Variants in GAB2 observed in about 807,000 individuals in gnomAD.
The protein encoded by GAB2 is GRB2 associated binding protein 2, also known as GRB2-associated-binding protein 2.
GAB2 carries 26 observed loss-of-function variants against 65.5 expected under a neutral mutation model. The ratio of observed to expected loss-of-function variants is 0.40; its 90% confidence interval spans 0.29 to 0.55. GAB2 has a LOEUF of 0.55. GAB2 is among the 20% of genes least tolerant of loss of function. The pLI, the probability that GAB2 is intolerant of heterozygous loss-of-function variation, is 0.53. For synonymous variants in GAB2, 321 were observed against 329.6 expected (o/e 0.97, Z 0.28); for missense variants, 884 against 875.8 (o/e 1.01, Z -0.12).
chr11:78,359,335 G>A (rs1405538522), intron 1 of GAB2, among the ~76,000 whole-genome samples: 2 of 152,126 alleles, frequency 1.3e-5, no homozygotes, highest in Non-Finnish European at 2.9e-5. Context: ...CATTAAAAGA[G>A]AAACAAGAGA....
chr11:78,388,464 C>CT (rs1220227863), intron 1 of GAB2, among the ~76,000 whole-genome samples: 1 of 152,018 alleles, frequency 6.6e-6, no homozygotes, highest in African/African-American at 2.4e-5. Flanking sequence ...GTAGCTGGGA[C>CT]TACAGGGATG....
chr11:78,323,721 G>A (rs11820908), intron 1 of GAB2, among the ~76,000 whole-genome samples: 1 of 149,810 alleles, frequency 6.7e-6, no homozygotes, highest in South Asian at 2.1e-4. Flanking sequence ...AGGATCAATA[G>A]AAGCCCACAC....
chr11:78,417,740 C>A lies in GAB2; in HGVS notation c.-20G>T. 3 of 1,240,732 alleles carry A rather than the reference C, an allele frequency of 2.4e-6. No homozygotes were observed. Among genetic ancestry groups the A allele is most frequent in the Non-Finnish European group, 3.1e-6 (3 of 968,304 alleles). 76.9% of individuals were successfully genotyped at this position (1,240,732 alleles called of 1,614,324 possible). Reference sequence around the variant, plus strand: ...GCTCATGCTGCCGGCCTGGAGCCCCCCGCCGGGTCGCGCGGACGAGGGCGC... The same window carrying A: ...GCTCATGCTGCCGGCCTGGAGCCCCACGCCGGGTCGCGCGGACGAGGGCGC... On this transcript the variant is annotated 5_prime_UTR_variant, in exon 1 of 10. Coordinates refer to ENST00000361507, the MANE Select transcript of GAB2 (RefSeq NM_080491.3).
intron 2 of GAB2, among the ~76,000 whole-genome samples, chr11:78,276,989 C>T (rs1201143245): frequency 1.3e-5 from 2 of 151,910 alleles, no homozygotes; most frequent in African/African-American, 4.8e-5. Context: ...GGCTATTTTT[C>T]TGTATTTTTA....
At chr11:78,319,651 A>G (rs1245390201) in intron 1 of GAB2, among the ~76,000 whole-genome samples, 2 of 152,214 alleles carry the variant, frequency 1.3e-5, no homozygotes, top group African/African-American at 4.8e-5. Flanking sequence ...AATTTACTAT[A>G]TGACTAATCA....
intron 1 of GAB2, among the ~76,000 whole-genome samples, chr11:78,391,220 G>T (rs7111986): frequency 0.16 from 24,271 of 152,072 alleles, 2,583 homozygotes; most frequent in East Asian, 0.41. Context: ...GCTTGAGCCC[G>T]GGAGGTTGAG....
rs367670220 is a variant in GAB2 at position 78,347,784 on chromosome 11, T to G, written c.76-66883A>C. ...TAAGCTTCATCAAAATTCAAAGCTT[T>G]TGTTCCTCAAATGATACAATTAAGA... On this transcript the variant is annotated intron_variant, in intron 1 of 9. Coordinates refer to ENST00000361507, the MANE Select transcript of GAB2 (RefSeq NM_080491.3). Among the ~76,000 whole-genome samples the G allele has an allele frequency of 2.0e-5, 3 of 152,122 alleles. No homozygotes were observed. In the East Asian group the frequency reaches 5.8e-4, roughly 29 times the overall value.
chr11:78,395,018 C>T (rs1433635717), intron 1 of GAB2, among the ~76,000 whole-genome samples: 1 of 152,160 alleles, frequency 6.6e-6, no homozygotes, highest in East Asian at 1.9e-4. Flanking sequence ...TGTCCCTCGC[C>T]CTCTTGCTCA....
chr11:78,367,827 T>C lies in GAB2; in HGVS notation c.75+49819A>G, dbSNP rs544291265. ...AGTGCTTAATTTTCTTTTTCTTTTTTTTTTTTTTTTTTTTTGAGACGGAGT... is the reference window on the plus strand; with the variant it reads ...AGTGCTTAATTTTCTTTTTCTTTTTCTTTTTTTTTTTTTTTGAGACGGAGT... On this transcript the variant is annotated intron_variant, in intron 1 of 9. Transcript: ENST00000361507. 5.2e-4 allele frequency among the ~76,000 whole-genome samples: 76 copies of C among 146,484 alleles called. 1 individual carries two copies. The highest frequency in any genetic ancestry group is 1.3e-3 in the South Asian group (6 of 4,476).
intron 1 of GAB2, among the ~76,000 whole-genome samples, chr11:78,309,969 TGTGC>T (rs1170292541): frequency 5.1e-3 from 534 of 104,402 alleles, no homozygotes; most frequent in African/African-American, 0.021. Context: ...TGTGTGTGTG[TGTGC>T]GCGCGCGCCT....
intron 1 of GAB2, among the ~76,000 whole-genome samples, chr11:78,317,417 G>A (rs1855630125): frequency 6.6e-6 from 1 of 152,002 alleles, no homozygotes; most frequent in South Asian, 2.1e-4. Flanking sequence ...AAAATTAGCT[G>A]GGTGTGGTGG....
intron 1 of GAB2, among the ~76,000 whole-genome samples, chr11:78,311,543 A>G (rs1328521184): frequency 6.6e-6 from 1 of 152,214 alleles, no homozygotes; most frequent in African/African-American, 2.4e-5. Flanking sequence ...ACATACGGTT[A>G]GGATAGTAAA....
chr11:78,321,025 T>G (rs1440711872), intron 1 of GAB2, among the ~76,000 whole-genome samples: 2 of 152,190 alleles, frequency 1.3e-5, no homozygotes, highest in Non-Finnish European at 2.9e-5. Context: ...GAAGAATGAC[T>G]TACAGGTTTC....
At chr11:78,250,450 T>G (rs1008197302) in intron 2 of GAB2, 50 bp from the exon 3 acceptor site, 2 of 1,552,650 alleles carry the variant, frequency 1.3e-6, no homozygotes, top group Non-Finnish European at 1.8e-6. Context: ...AAATGTATCC[T>G]TATCCCAAAG....
At chr11:78,222,898 C>G (rs916514317) in intron 6 of GAB2, among the ~76,000 whole-genome samples, 2 of 152,296 alleles carry the variant, frequency 1.3e-5, no homozygotes, top group East Asian at 1.9e-4. Flanking sequence ...GCCAAGAGAC[C>G]ATATTTGAAG....
At chr11:78,281,117 C>G (rs113372621) in intron 1 of GAB2, among the ~76,000 whole-genome samples, 5,037 of 152,220 alleles carry the variant, frequency 0.033, 125 homozygotes, top group Non-Finnish European at 0.046. Flanking sequence ...CCACGCCCAG[C>G]TAATTAAAAC....
chr11:78,367,821 CTTTTTTTTTTTTT>C (rs569887849), intron 1 of GAB2, among the ~76,000 whole-genome samples: 3 of 116,094 alleles, frequency 2.6e-5, no homozygotes, highest in South Asian at 3.0e-4. Flanking sequence ...TTTTCTTTTT[CTTTTTTTTTTTTT>C]TTTTTTTTGA....
chr11:78,275,824 A>G (rs763868782), intron 2 of GAB2, among the ~76,000 whole-genome samples: 3 of 152,144 alleles, frequency 2.0e-5, no homozygotes, highest in Non-Finnish European at 4.4e-5. Context: ...ATGAATGAAT[A>G]TATTTCCGGC....
chr11:78,221,503 C>A (rs151102159), intron 8 of GAB2, among the ~76,000 whole-genome samples, 174 bp downstream of exon 8: 1 of 152,140 alleles, frequency 6.6e-6, no homozygotes, highest in African/African-American at 2.4e-5. Context: ...GATGACAACT[C>A]CTACTGCTTG....
Sources: allele counts gnomAD v4.1 joint callset (sites outside exome capture counted in the v4.1 genomes callset), GRCh38; gene constraint gnomAD v4.1.1; transcripts MANE v1.5; gene names NCBI Gene and HGNC (gene_info 2026-07-23, HGNC 2026-07-21).